Variants in TRIP10 observed in about 807,000 individuals in gnomAD.
The protein encoded by TRIP10 is cdc42-interacting protein 4.
A neutral mutation model predicts 80.9 loss-of-function variants in TRIP10; 54 were observed. The ratio of observed to expected loss-of-function variants is 0.67; its 90% CI spans 0.54 to 0.84. TRIP10 has a LOEUF of 0.84. Among genes scored for constraint, TRIP10 ranks in the 40% least tolerant of loss-of-function variants. The pLI is 0.00. For missense variants in TRIP10, 773 were observed against 815.3 expected, an observed-to-expected ratio of 0.95 and a Z score of 0.63; for synonymous variants, 321 against 307.2, an observed-to-expected ratio of 1.04 and a Z score of -0.47.
chr19:6,741,149 C>T, intron 2 of TRIP10, 24 bp downstream of exon 2: 1 of 1,613,958 alleles, frequency 6.2e-7, no homozygotes, highest in Non-Finnish European at 8.5e-7. Context: ...GTGGACGCTA[C>T]GGAGGACGCG....
chr19:6,741,539 A>G (rs1968917868), intron 3 of TRIP10, among the ~76,000 whole-genome samples: 1 of 152,210 alleles, frequency 6.6e-6, no homozygotes, highest in Non-Finnish European at 1.5e-5. Context: ...CCCAGCAGTT[A>G]CAAAACCAGT....
intron 3 of TRIP10, among the ~76,000 whole-genome samples, chr19:6,742,300 G>T (rs11085200): frequency 0.29 from 43,363 of 151,354 alleles, 6,368 homozygotes; most frequent in Non-Finnish European, 0.31. Flanking sequence ...TGAGGCATGA[G>T]AATCGCTTGA....
At position 6,751,316 on chromosome 19, in the gene TRIP10, G is replaced by C; in HGVS notation, c.*105G>C. 6.3e-7 allele frequency: 1 copy of C among 1,577,412 alleles called. No homozygotes were observed. The highest frequency in any genetic ancestry group is 8.6e-7 in the Non-Finnish European group (1 of 1,158,828). On this transcript the variant is annotated 3_prime_UTR_variant, in exon 15 of 15. Transcript: ENST00000313244. ...TTTCTGACCCCGTGGCTTCGGCTGA[G>C]ACCTGTGTAACCTGCTGCCCCCTCC... is the stretch of plus-strand genomic sequence containing the variant.
At chr19:6,742,878 CT>C (rs1968963128) in intron 3 of TRIP10, 88 bp from the exon 4 acceptor site, 2 of 1,532,564 alleles carry the variant, frequency 1.3e-6, no homozygotes, top group Non-Finnish European at 8.8e-7. Flanking sequence ...GGGCTTAACC[CT>C]TTTCCACCTG....
In TRIP10 at chr19:6,741,288, T is replaced by C. The variant is rs773685444; in HGVS notation, c.197+7T>C. 5.2e-5 allele frequency: 84 copies of C among 1,606,082 alleles called. No individual in the cohort carries two copies. Among genetic ancestry groups the C allele is most frequent in the Admixed American group, 4.3e-4 (25 of 58,202 alleles). ...AGGATGATCCTGAGTCCAAGTAAGG[T>C]TGGAGAGGGGCTGCAGGGCTAGATT... On this transcript the variant is annotated splice_region_variant and intron_variant, in intron 3 of 14. Coordinates refer to ENST00000313244, the MANE Select transcript of TRIP10 (RefSeq NM_001288962.2).
At chr19:6,741,675 T>C (rs924122953) in intron 3 of TRIP10, among the ~76,000 whole-genome samples, 5 of 152,162 alleles carry the variant, frequency 3.3e-5, no homozygotes, top group Non-Finnish European at 2.9e-5. Flanking sequence ...GTTTAAACAG[T>C]GTGCAGTCCA....
In TRIP10 at chr19:6,750,393, C is replaced by G. The variant is rs1483784157; in HGVS notation, c.1497C>G (p.Asp499Glu). ...ACCCCCCCGCTAGCGCCCCGCCAGA[C>G]AGCAGCAGCAACAGCGCATCACAGG... ...PPDPPASAPPDSSSNSASQDT... is the reference protein window; with the variant it reads ...PPDPPASAPPESSSNSASQDT... The change falls in exon 13 of 15, where the codon GAC becomes GAG. Residue 499 changes from aspartate to glutamate, a missense_variant. Coordinates refer to ENST00000313244, the MANE Select transcript of TRIP10 (RefSeq NM_001288962.2). 3 of 1,613,954 alleles carry G rather than the reference C, an allele frequency of 1.9e-6. No individual in the cohort carries two copies. Among genetic ancestry groups the G allele is most frequent in the Middle Eastern group, 1.6e-4 (1 of 6,084 alleles).
chr19:6,744,733 G>A lies in TRIP10; in HGVS notation c.789+33G>A. ...CCTGGTCTGGGTCCACTGGGCTACG[G>A]GAAGGGCAGAGGGAGGTACCCATAG... On this transcript the variant is annotated intron_variant, in intron 8 of 14. Transcript: ENST00000313244. The surrounding 1 kb of genome is among the most constrained non-coding windows in gnomAD (Gnocchi z 4.9). The A allele has an allele frequency of 6.3e-7, 1 of 1,591,754 alleles. No individual in the cohort carries two copies. Among genetic ancestry groups the A allele is most frequent in the Non-Finnish European group, 8.6e-7 (1 of 1,167,726 alleles).
chr19:6,741,380 C>G, intron 3 of TRIP10, 99 bp downstream of exon 3: 1 of 1,372,994 alleles, frequency 7.3e-7, no homozygotes, highest in African/African-American at 1.4e-5. Context: ...CCGCTCCTCT[C>G]ACTTCCCCTT....
In TRIP10 at chr19:6,746,358, T is replaced by C; in HGVS notation, c.1153-94T>C. 1 of 1,561,206 alleles carries C rather than the reference T, an allele frequency of 6.4e-7. No individual in the cohort carries two copies. Among genetic ancestry groups the C allele is most frequent in the Non-Finnish European group, 8.7e-7 (1 of 1,146,450 alleles). ...TGCATGGCTTCGCTGTCAAGAACCA[T>C]GGCTGGGGAAGGGAGTGAAATATCT... On this transcript the variant is annotated intron_variant, in intron 10 of 14. Coordinates refer to ENST00000313244, the MANE Select transcript of TRIP10 (RefSeq NM_001288962.2). This position sits in a 1 kb window ranked among gnomAD's most constrained non-coding sequence, Gnocchi z 6.2.
Position 6,746,689 on chromosome 19 carries a change from G to A in TRIP10, c.1262+128G>A, listed in dbSNP as rs1446543500. 1.2e-5 allele frequency: 7 copies of A among 572,506 alleles called. No homozygotes were observed. The Admixed American group carries it at 3.0e-4, about 24-fold the overall frequency. 35.5% of individuals were successfully genotyped at this position (572,506 alleles called of 1,614,324 possible). On this transcript the variant is annotated intron_variant, in intron 11 of 14. Transcript: ENST00000313244. This position sits in a 1 kb window ranked among gnomAD's most constrained non-coding sequence, Gnocchi z 6.2. ...TTATTTTGTGACAGGGTCTTAGTCT[G>A]TCGTCCAGGCTGGAGTGCAGTGCTG... is the stretch of plus-strand genomic sequence containing the variant.
chr19:6,743,775 T>C lies in TRIP10; in HGVS notation c.581T>C (p.Leu194Pro). 1 of 1,614,056 alleles carries C rather than the reference T, an allele frequency of 6.2e-7. No homozygotes were observed. Among genetic ancestry groups the C allele is most frequent in the Non-Finnish European group, 8.5e-7 (1 of 1,180,006 alleles). ...AGCAAAAACGAATATGCGGCTCAAC[T>C]GCAGCGCTTCAACCGAGACCAAGCC... ...EESKNEYAAQ[L>P]QRFNRDQAHF... Residue 194 changes from leucine to proline, a missense_variant, in exon 7 of 15, where the codon CTG becomes CCG. Coordinates refer to ENST00000313244, the MANE Select transcript of TRIP10 (RefSeq NM_001288962.2).
chr19:6,742,912 C>T (rs747776997), intron 3 of TRIP10, 55 bp from the exon 4 acceptor site: 120 of 1,598,178 alleles, frequency 7.5e-5, no homozygotes, highest in Non-Finnish European at 1.0e-4. Context: ...GGGGCATCAG[C>T]CTGCTCGGGA....
rs371059932 is a variant in TRIP10, at chr19:6,743,154, G to T, written c.345+40G>T. On this transcript the variant is annotated intron_variant, in intron 4 of 14. Coordinates refer to ENST00000313244, the MANE Select transcript of TRIP10 (RefSeq NM_001288962.2). The stretch of plus-strand genomic sequence containing the variant: ...GATTCAGGTTTTACAAAGGGCTTCT[G>T]CTGGAACCCTGGCGAGCCTTATCAC... The T allele has an allele frequency of 2.1e-4, 334 of 1,614,032 alleles. 3 individuals carry two copies. The highest frequency in any genetic ancestry group is 2.7e-4 in the Non-Finnish European group (316 of 1,179,984).
At position 6,746,289 on chromosome 19, in the gene TRIP10, G is replaced by T. The variant is rs1481943094; in HGVS notation, c.1152+93G>T. The T allele has an allele frequency of 6.7e-7, 1 of 1,485,906 alleles. No homozygotes were observed. Among genetic ancestry groups the T allele is most frequent in the African/African-American group, 1.4e-5 (1 of 71,414 alleles). The allele number at this position is 1,485,906 out of a possible 1,614,324, so 92.0% of individuals were successfully genotyped here. A position where few individuals can be genotyped will look rare whatever the true frequency, so the allele number is the denominator to read the frequency against. ...TGGGCTCGCTTCCTGCCGCTGGCTGGGCCCCTCTTCCCTGGTTGCCCAACC... is the reference window on the plus strand; with the variant it reads ...TGGGCTCGCTTCCTGCCGCTGGCTGTGCCCCTCTTCCCTGGTTGCCCAACC... On this transcript the variant is annotated intron_variant, in intron 10 of 14. Transcript: ENST00000313244. The surrounding 1 kb of genome is among the most constrained non-coding windows in gnomAD (Gnocchi z 6.2).
rs1969048302 is a variant in TRIP10 at position 6,744,649 on chromosome 19, C to T, written c.738C>T (p.Ala246=). 1 of 1,613,066 alleles carries T rather than the reference C, an allele frequency of 6.2e-7. No homozygotes were observed. Among genetic ancestry groups the T allele is most frequent in the Non-Finnish European group, 8.5e-7 (1 of 1,179,514 alleles). The change falls in exon 8 of 15, where the codon GCC becomes GCT. Residue 246 remains alanine, a synonymous_variant. Transcript: ENST00000313244. This position sits in a 1 kb window ranked among gnomAD's most constrained non-coding sequence, Gnocchi z 4.9. ...EAELEVVPII[A]KCLEGMKVAA... is the part of the protein sequence containing the mutation. The stretch of plus-strand genomic sequence containing the variant: ...AGCTGGAGGTGGTGCCCATAATAGC[C>T]AAGTGCTTGGAGGGCATGAAGGTGG...
chr19:6,749,885 A>G lies in TRIP10; in HGVS notation c.1263-49A>G, dbSNP rs141426798. 874 of 1,583,392 alleles carry G rather than the reference A, an allele frequency of 5.5e-4. 5 individuals carry two copies. In the African/African-American group the frequency reaches 0.01, roughly 19 times the overall value. On this transcript the variant is annotated intron_variant, in intron 11 of 14. Transcript: ENST00000313244. ...AAAACAAAACAACAGCAACAAAAAA[A>G]CTCACACGGAAGTATGTTTTCCTGT...
Position 6,746,486 on chromosome 19 carries a change from C to T in TRIP10, c.1187C>T (p.Pro396Leu), listed in dbSNP as rs1348291844. Residue 396 changes from proline (P) to leucine (L), a missense_variant, in exon 11 of 15, where the codon CCA becomes CTA. Transcript: ENST00000313244. The surrounding 1 kb of genome is among the most constrained non-coding windows in gnomAD (Gnocchi z 6.2). ...ACCGAGGATTTTAGCCACTTGCCCC[C>T]AGAGCAGCAGCGAAAACGGCTTCAA... Reference protein sequence around the residue: ...VVTEDFSHLPPEQQRKRLQQQ... With the variant: ...VVTEDFSHLPLEQQRKRLQQQ... The T allele has an allele frequency of 8.1e-6, 13 of 1,614,036 alleles. No homozygotes were observed. The highest frequency in any genetic ancestry group is 1.1e-5 in the Non-Finnish European group (13 of 1,180,032).
In TRIP10 at chr19:6,739,751, GC is replaced by G; in HGVS notation, c.-10del. The G allele has an allele frequency of 7.1e-7, 1 of 1,402,612 alleles. No homozygotes were observed. Among genetic ancestry groups the G allele is most frequent in the Admixed American group, 2.6e-5 (1 of 37,980 alleles). 86.9% of individuals were successfully genotyped at this position (1,402,612 alleles called of 1,614,324 possible). ...TGCGGTGGTGGCTGCGGCGGCGGCG[GC>G]GGGAGCAGCATGGATTGGGGCACTG... is the stretch of plus-strand genomic sequence containing the variant. On this transcript the variant is annotated 5_prime_UTR_variant, in exon 1 of 15. Coordinates refer to ENST00000313244, the MANE Select transcript of TRIP10 (RefSeq NM_001288962.2).
Sources: allele counts gnomAD v4.1 joint callset (sites outside exome capture counted in the v4.1 genomes callset), GRCh38; gene constraint gnomAD v4.1.1; non-coding constraint Gnocchi (gnomAD v3.1); transcripts MANE v1.5; gene names NCBI Gene and HGNC (gene_info 2026-07-23, HGNC 2026-07-21).